NT5C2: variants seen among roughly 807,000 people sequenced by gnomAD.
NT5C2 encodes the protein cytosolic purine 5'-nucleotidase.
NT5C2 carries 58 observed loss-of-function variants against 76.1 expected under a neutral mutation model. The observed-to-expected ratio is 0.76, with a 90% confidence interval of 0.62 to 0.95. The LOEUF (loss-of-function observed/expected upper bound fraction) is 0.95. NT5C2 is among the 40% of genes least tolerant of loss of function. The pLI is 0.00. For synonymous variants in NT5C2, 229 were observed against 237.4 expected (o/e 0.96, Z 0.32); for missense variants, 478 against 690.3 (o/e 0.69, Z 3.45).
intron 16 of NT5C2, among the ~76,000 whole-genome samples, 182 bp from the exon 17 acceptor site, chr10:103,091,178 G>A (rs1469948487): frequency 6.6e-6 from 1 of 152,066 alleles, no homozygotes; most frequent in Non-Finnish European, 1.5e-5. Flanking sequence ...TGGGATTACA[G>A]GCATGTGCCA....
At chr10:103,097,542 T>C (rs2134909387) in intron 10 of NT5C2, among the ~76,000 whole-genome samples, 168 bp from the exon 11 acceptor site, 1 of 152,246 alleles carries the variant, frequency 6.6e-6, no homozygotes, top group East Asian at 1.9e-4. Flanking sequence ...TATAAATGAA[T>C]AAAGTATTAA....
chr10:103,167,070 C>CA (rs1391051896), intron 3 of NT5C2, among the ~76,000 whole-genome samples: 1 of 151,078 alleles, frequency 6.6e-6, no homozygotes, highest in Non-Finnish European at 1.5e-5. Context: ...GGCTGGAGTG[C>CA]AGTGGTAAAA....
intron 1 of NT5C2, among the ~76,000 whole-genome samples, chr10:103,192,288 C>A (rs2092697086): frequency 6.6e-6 from 1 of 152,102 alleles, no homozygotes; most frequent in Non-Finnish European, 1.5e-5. Context: ...GCACACACCC[C>A]CCTGTAATGG....
At chr10:103,114,532 T>C (rs553633557) in intron 4 of NT5C2, among the ~76,000 whole-genome samples, 47 of 152,342 alleles carry the variant, frequency 3.1e-4, no homozygotes, top group African/African-American at 1.0e-3. Flanking sequence ...AGTGTGCACC[T>C]CTAGCCTATA....
At position 103,187,249 on chromosome 10, in the gene NT5C2, T is replaced by TC. The variant is rs1477760860; in HGVS notation, c.-168-5922_-168-5921insG. Reference sequence around the variant, plus strand: ...TGGGCAACACAGAGAGACTCCACCTTAAAAAAATAAAAAAGGCCAGTTGCA... The same window carrying TC: ...TGGGCAACACAGAGAGACTCCACCTTCAAAAAAATAAAAAAGGCCAGTTGCA... On this transcript the variant is annotated intron_variant, in intron 1 of 18. Coordinates refer to ENST00000404739, the MANE Select transcript of NT5C2 (RefSeq NM_001351169.2). Among the ~76,000 whole-genome samples the TC allele has an allele frequency of 1.3e-4, 19 of 147,138 alleles. 1 individual carries two copies. Among genetic ancestry groups the TC allele is most frequent in the Admixed American group, 6.8e-5 (1 of 14,750 alleles).
intron 1 of NT5C2, among the ~76,000 whole-genome samples, chr10:103,187,836 A>G (rs1345122512): frequency 6.6e-6 from 1 of 152,234 alleles, no homozygotes; most frequent in Admixed American, 6.5e-5. Flanking sequence ...AAATACATGT[A>G]CTACTCATCT....
chr10:103,110,286 T>C (rs189479268), intron 4 of NT5C2, among the ~76,000 whole-genome samples: 3 of 152,152 alleles, frequency 2.0e-5, no homozygotes, highest in Admixed American at 6.5e-5. Context: ...CGAAACCCCG[T>C]CTCTACTAAA....
chr10:103,138,472 C>A (rs941147514), intron 4 of NT5C2, among the ~76,000 whole-genome samples: 1 of 152,112 alleles, frequency 6.6e-6, no homozygotes, highest in Non-Finnish European at 1.5e-5. Context: ...GATGTTCCCC[C>A]TCCCTGTGTT....
At chr10:103,187,714 A>G (rs1251426853) in intron 1 of NT5C2, among the ~76,000 whole-genome samples, 1 of 152,180 alleles carries the variant, frequency 6.6e-6, no homozygotes, top group Non-Finnish European at 1.5e-5. Context: ...CTATTATTCT[A>G]GCTGGTTTAC....
chr10:103,188,596 C>T (rs2092323556), intron 1 of NT5C2, among the ~76,000 whole-genome samples: 1 of 152,148 alleles, frequency 6.6e-6, no homozygotes, highest in Admixed American at 6.6e-5. Flanking sequence ...CTCAAGTTCC[C>T]TTCCAGATGT....
chr10:103,106,802 C>G (rs2071399809), intron 4 of NT5C2, 96 bp from the exon 5 acceptor site: 1 of 800,834 alleles, frequency 1.2e-6, no homozygotes, highest in South Asian at 1.5e-5. Context: ...CAGTTCTTCC[C>G]CCCTCCTAAT....
At chr10:103,169,984 T>C (rs968120225) in intron 3 of NT5C2, among the ~76,000 whole-genome samples, 1 of 152,098 alleles carries the variant, frequency 6.6e-6, no homozygotes, top group Non-Finnish European at 1.5e-5. Flanking sequence ...TACTTGGGCA[T>C]GGTGGCGCAT....
chr10:103,141,391 A>C (rs1212041268), intron 3 of NT5C2, among the ~76,000 whole-genome samples: 1 of 152,118 alleles, frequency 6.6e-6, no homozygotes, highest in Admixed American at 6.6e-5. Context: ...CTACGAGATC[A>C]AGGCTGTAGT....
In NT5C2 at chr10:103,155,613, C is replaced by T. The variant is rs193104487; in HGVS notation, c.102-16134G>A. Among the ~76,000 whole-genome samples the T allele has an allele frequency of 1.2e-3, 189 of 152,128 alleles. 1 individual carries two copies. Among genetic ancestry groups the T allele is most frequent in the African/African-American group, 4.3e-3 (180 of 41,490 alleles). ...GTGAATAAAAACAAAGCTATGAGCC[C>T]GGGAGGTCAAGGCTGCAGTGAGCCA... On this transcript the variant is annotated intron_variant, in intron 3 of 18. Coordinates refer to ENST00000404739, the MANE Select transcript of NT5C2 (RefSeq NM_001351169.2).
chr10:103,118,791 T>A (rs2075000601), intron 4 of NT5C2, among the ~76,000 whole-genome samples: 1 of 152,118 alleles, frequency 6.6e-6, no homozygotes, highest in Admixed American at 6.5e-5. Flanking sequence ...TTAACCACAA[T>A]TATCTTTTTT....
In NT5C2 at chr10:103,093,692, G is replaced by A. The variant is rs543607203; in HGVS notation, c.988+280C>T. 1.2e-3 allele frequency: 516 copies of A among 435,228 alleles called. 3 individuals carry two copies. The highest frequency in any genetic ancestry group is 9.1e-3 in the African/African-American group (463 of 51,048). The allele number at this position is 435,228 out of a possible 1,614,324, so 27.0% of individuals were successfully genotyped here. ...CTTGAGAAACCCTTGAGAACATATT[G>A]AGAAGTACCCCCAAGTGATTCGAAG... On this transcript the variant is annotated intron_variant, in intron 14 of 18. Transcript: ENST00000404739.
intron 4 of NT5C2, among the ~76,000 whole-genome samples, chr10:103,124,339 A>G (rs1030846401): frequency 9.9e-5 from 15 of 152,192 alleles, no homozygotes; most frequent in African/African-American, 3.6e-4. Flanking sequence ...CTCAAAAAAG[A>G]GCTTTAACTT....
At chr10:103,138,961 C>A (rs960370743) in intron 4 of NT5C2, among the ~76,000 whole-genome samples, 1 of 151,786 alleles carries the variant, frequency 6.6e-6, no homozygotes, top group African/African-American at 2.4e-5. Flanking sequence ...GAGCCAAGAT[C>A]GCGCCATTGC....
intron 3 of NT5C2, among the ~76,000 whole-genome samples, chr10:103,147,511 G>T (rs777845114): frequency 2.0e-5 from 3 of 152,130 alleles, no homozygotes; most frequent in Non-Finnish European, 4.4e-5. Context: ...ATGTCTCTGG[G>T]TCTCATTACT....
Sources: gnomAD v4.1 joint callset for allele counts (sites outside exome capture counted in the v4.1 genomes callset) on GRCh38, gnomAD v4.1.1 for gene constraint, MANE v1.5 for transcripts, NCBI Gene and HGNC (gene_info 2026-07-23, HGNC 2026-07-21) for gene names.